The following USP32 variants were observed in gnomAD, a reference collection of about 807,000 sequenced individuals.
USP32 encodes ubiquitin carboxyl-terminal hydrolase 32.
A neutral mutation model predicts 204.8 loss-of-function variants in USP32; 59 were observed. That is an observed-to-expected ratio of 0.29 (90% CI 0.23 to 0.36). The LOEUF is 0.36. Among genes scored for constraint, USP32 ranks in the 10% least tolerant of loss-of-function variants. The pLI, the probability that USP32 is intolerant of heterozygous loss-of-function variation, is 1.00. For missense variants in USP32, 1,160 were observed against 1,946.4 expected (o/e 0.60, Z 7.60); for synonymous variants, 517 against 678.4 (o/e 0.76, Z 3.70).
At chr17:60,223,181 T>A (rs557609719) in intron 14 of USP32, among the ~76,000 whole-genome samples, 1 of 152,314 alleles carries the variant, frequency 6.6e-6, no homozygotes, top group South Asian at 2.1e-4. Context: ...ATTTTCAGAA[T>A]AGCTGTCCTA....
In USP32 at chr17:60,200,412, T is replaced by C. The variant is rs563679931; in HGVS notation, c.3250-1968A>G. ...TCTGTCTCTACTAAAAATACAAAAT[T>C]AGCCAGGCGTGGTGCCGCATGCCTG... On this transcript the variant is annotated intron_variant, in intron 26 of 33. Transcript: ENST00000300896. Among the ~76,000 whole-genome samples, 9 of 151,082 alleles carry C rather than the reference T, an allele frequency of 6.0e-5. No homozygotes were observed. In the East Asian group the frequency reaches 1.6e-3, roughly 27 times the overall value.
In USP32 at chr17:60,343,818, G is replaced by A. The variant is rs1026918719; in HGVS notation, c.186+1663C>T. ...AGGCCAAGGCGGGTAGGTCACCTGC[G>A]GTCAGGAGTTCAAGACCAGCCTGGC... On this transcript the variant is annotated intron_variant, in intron 2 of 33. Transcript: ENST00000300896. 9.2e-5 allele frequency among the ~76,000 whole-genome samples: 14 copies of A among 152,206 alleles called. 1 individual carries two copies. Among genetic ancestry groups the A allele is most frequent in the South Asian group, 4.1e-4 (2 of 4,820 alleles).
intron 1 of USP32, among the ~76,000 whole-genome samples, chr17:60,348,191 C>G (rs2088836563): frequency 6.6e-6 from 1 of 151,308 alleles, no homozygotes; most frequent in South Asian, 2.1e-4. Flanking sequence ...TATGGGAAAC[C>G]TTGGAAAATG....
At chr17:60,345,889 C>T (rs575378680) in intron 1 of USP32, among the ~76,000 whole-genome samples, 3 of 151,760 alleles carry the variant, frequency 2.0e-5, no homozygotes, top group African/African-American at 4.8e-5. Context: ...GGCTGAGACA[C>T]GATAATCACT....
intron 26 of USP32, among the ~76,000 whole-genome samples, chr17:60,205,140 T>C (rs180839949): frequency 5.9e-5 from 9 of 152,282 alleles, no homozygotes; most frequent in African/African-American, 2.2e-4. Flanking sequence ...GCACTGACTA[T>C]CCTGTTGCCT....
chr17:60,183,315 G>C lies in USP32; in HGVS notation c.3973C>G (p.Leu1325Val), dbSNP rs1190967245. 6.2e-7 allele frequency: 1 copy of C among 1,613,890 alleles called. No homozygotes were observed. The highest frequency in any genetic ancestry group is 1.3e-5 in the African/African-American group (1 of 74,926). ...GAGAGCTCATCCCCCTGGGGTGTGA[G>C]TGGTTTATGCTGGCAGAGAGCCGGG... is the stretch of plus-strand genomic sequence containing the variant. ...RDPALCQHKP[L>V]TPQGDELSEP... Residue 1325 changes from leucine (L) to valine (V), a missense_variant, in exon 31 of 34, where the codon CTC becomes GTC. By Grantham distance (32) the Leu-to-Val change is conservative (BLOSUM62 1). Transcript: ENST00000300896.
At chr17:60,358,138 T>A (rs2089129514) in intron 1 of USP32, among the ~76,000 whole-genome samples, 1 of 152,176 alleles carries the variant, frequency 6.6e-6, no homozygotes, top group African/African-American at 2.4e-5. Flanking sequence ...TAGTATTGTT[T>A]CTACTACTTT....
At position 60,269,536 on chromosome 17, in the gene USP32, T is replaced by C; in HGVS notation, c.725A>G (p.Glu242Gly). 6.2e-7 allele frequency: 1 copy of C among 1,610,662 alleles called. No individual in the cohort carries two copies. Among genetic ancestry groups the C allele is most frequent in the Non-Finnish European group, 8.5e-7 (1 of 1,179,048 alleles). ...AAAATCTATGTGATTGTCACGATTT[T>C]CATCAAAAGCATTAAACAAACCTGT... ...LSEGLFNAFDENRDNHIDFKE... is the reference protein window; with the variant it reads ...LSEGLFNAFDGNRDNHIDFKE... The change falls in exon 7 of 34, where the codon GAA (glutamate) becomes GGA (glycine). Residue 242 changes from glutamate (E) to glycine (G), a missense_variant. This residue lies in a region of USP32 where 536 missense variants were observed against 680.9 expected (regional missense o/e 0.79). Transcript: ENST00000300896.
At chr17:60,409,199 T>A (rs1489471048) in intron 1 of USP32, among the ~76,000 whole-genome samples, 1 of 152,058 alleles carries the variant, frequency 6.6e-6, no homozygotes, top group Non-Finnish European at 1.5e-5. Context: ...AATACAAAAA[T>A]TAGCTGGGCA....
At chr17:60,284,176 G>A (rs2087045040) in intron 5 of USP32, among the ~76,000 whole-genome samples, 1 of 151,520 alleles carries the variant, frequency 6.6e-6, no homozygotes, top group African/African-American at 2.4e-5. Flanking sequence ...TCAATGTACA[G>A]GAATATTTGT....
At chr17:60,399,117 C>T (rs62082077) in intron 1 of USP32, among the ~76,000 whole-genome samples, 27,967 of 152,052 alleles carry the variant, frequency 0.18, 6,037 homozygotes, top group African/African-American at 0.52. Flanking sequence ...ATGTGAATCT[C>T]GAAAGATAAA....
At chr17:60,405,963 G>A (rs1210880635) in intron 1 of USP32, among the ~76,000 whole-genome samples, 1 of 151,864 alleles carries the variant, frequency 6.6e-6, no homozygotes, top group Non-Finnish European at 1.5e-5. Context: ...GACCAGCCTG[G>A]GAAACATAGT....
intron 1 of USP32, among the ~76,000 whole-genome samples, chr17:60,360,157 C>T (rs1019087161): frequency 1.3e-5 from 2 of 151,864 alleles, no homozygotes; most frequent in South Asian, 2.1e-4. Context: ...CGTGAGCCAC[C>T]GCGCCCGGCC....
intron 29 of USP32, among the ~76,000 whole-genome samples, chr17:60,186,861 A>G (rs1375464139): frequency 5.9e-5 from 9 of 152,176 alleles, no homozygotes; most frequent in Non-Finnish European, 1.2e-4. Flanking sequence ...ATCAAGAATC[A>G]TAGAGCCGGG....
At chr17:60,244,270 G>T (rs2085957366) in intron 11 of USP32, among the ~76,000 whole-genome samples, 1 of 151,456 alleles carries the variant, frequency 6.6e-6, no homozygotes, top group Non-Finnish European at 1.5e-5. Context: ...CACCCACCTC[G>T]GCCTCCCAAA....
At chr17:60,188,257 T>C (rs994107641) in intron 29 of USP32, among the ~76,000 whole-genome samples, 3 of 152,194 alleles carry the variant, frequency 2.0e-5, no homozygotes, top group African/African-American at 7.2e-5. Flanking sequence ...ATGTAAAGGA[T>C]AAGAGTGATT....
chr17:60,202,993 T>C (rs2084718022), intron 26 of USP32, among the ~76,000 whole-genome samples: 1 of 150,266 alleles, frequency 6.7e-6, no homozygotes, highest in Admixed American at 6.6e-5. Flanking sequence ...AGCCAAAGAA[T>C]GCCTGGAGCC....
intron 12 of USP32, among the ~76,000 whole-genome samples, chr17:60,228,694 G>C (rs1315981071): frequency 6.6e-6 from 1 of 151,838 alleles, no homozygotes; most frequent in Non-Finnish European, 1.5e-5. Context: ...ATGGTGGTGT[G>C]CACCTTTAGT....
intron 1 of USP32, among the ~76,000 whole-genome samples, chr17:60,390,683 A>G (rs925900880): frequency 6.6e-6 from 1 of 152,186 alleles, no homozygotes; most frequent in Non-Finnish European, 1.5e-5. Context: ...TATACGAACA[A>G]GAGTTCACTT....
Sources: allele counts gnomAD v4.1 joint callset (sites outside exome capture counted in the v4.1 genomes callset), GRCh38; gene constraint gnomAD v4.1.1; regional missense constraint gnomAD v4.1.1; transcripts MANE v1.5; gene names NCBI Gene and HGNC (gene_info 2026-07-23, HGNC 2026-07-21).